The following GIN1 variants were observed in gnomAD, a reference collection of about 807,000 sequenced individuals.
GIN1 encodes the protein gypsy retrotransposon integrase-like protein 1.
GIN1 carries 41 observed loss-of-function variants against 51.4 expected under a neutral mutation model. That is an observed-to-expected ratio of 0.80 (90% confidence interval 0.62 to 1.04). The LOEUF is 1.04. Ranked by LOEUF, GIN1 falls within the 50% of genes least tolerant of loss-of-function variation. The probability of loss-of-function intolerance (pLI) is 0.00; values close to 1 mark genes in which losing one functional copy is unlikely to be tolerated. For synonymous variants in GIN1, 222 were observed against 206.5 expected (o/e 1.07, Z -0.64); for missense variants, 610 against 612.4 (o/e 1.00, Z 0.04).
In GIN1 at chr5:103,088,053, C is replaced by CTAGG. The variant is rs1562322709; in HGVS notation, c.1413_1414insCCTA (p.Val472ProfsTer4). The CTAGG allele has an allele frequency of 1.2e-6, 2 of 1,611,170 alleles. No individual in the cohort carries two copies. Among genetic ancestry groups the CTAGG allele is most frequent in the Admixed American group, 3.3e-5 (2 of 60,004 alleles). On this transcript the variant is annotated frameshift_variant, in exon 8 of 8. Coordinates refer to ENST00000399004, the MANE Select transcript of GIN1 (RefSeq NM_017676.2). LOFTEE classifies it high-confidence loss of function. ...CTTGATGTCAGTAATTCATTATCGA[C>CTAGG]TATACCAATAGTTGCATCTTCCACC...
At chr5:103,109,036 C>A (rs1380251345) in intron 1 of GIN1, among the ~76,000 whole-genome samples, 2 of 152,028 alleles carry the variant, frequency 1.3e-5, no homozygotes, top group Non-Finnish European at 2.9e-5. Flanking sequence ...TCATTGCTAT[C>A]AACTGAAATG....
chr5:103,097,726 G>T lies in GIN1; in HGVS notation c.695C>A (p.Thr232Asn). ...TTCCGTTGGGTTAACAGTTCCAGAGGTGTGAGAAATTACAATTTGCTTTAT... is the reference window on the plus strand; with the variant it reads ...TTCCGTTGGGTTAACAGTTCCAGAGTTGTGAGAAATTACAATTTGCTTTAT... ...FGIKQIVISH[T>N]SGTVNPTEST... The change falls in exon 5 of 8, where the codon ACC becomes AAC. Residue 232 changes from threonine (T) to asparagine (N), a missense_variant. Physicochemically the swap from Thr to Asn is moderately conservative, Grantham distance 65. Coordinates refer to ENST00000399004, the MANE Select transcript of GIN1 (RefSeq NM_017676.2). 6.3e-7 allele frequency: 1 copy of T among 1,588,832 alleles called. No individual in the cohort carries two copies. Among genetic ancestry groups the T allele is most frequent in the Non-Finnish European group, 8.6e-7 (1 of 1,156,834 alleles).
chr5:103,096,452 TA>T, intron 7 of GIN1, 88 bp downstream of exon 7: 1 of 984,850 alleles, frequency 1.0e-6, no homozygotes, highest in Non-Finnish European at 1.5e-6. Flanking sequence ...AAAGAAAACC[TA>T]ACAAAAGAGG....
At chr5:103,100,303 T>C (rs1787533973) in intron 4 of GIN1, among the ~76,000 whole-genome samples, 2 of 152,018 alleles carry the variant, frequency 1.3e-5, no homozygotes, top group Admixed American at 1.3e-4. Flanking sequence ...TTTCACCATG[T>C]TGCTTAGGCT....
At chr5:103,089,251 C>T (rs1447670443) in intron 7 of GIN1, among the ~76,000 whole-genome samples, 1 of 152,090 alleles carries the variant, frequency 6.6e-6, no homozygotes, top group East Asian at 1.9e-4. Flanking sequence ...GATGGCAAAT[C>T]TTCTATACAC....
chr5:103,108,728 AT>A lies in GIN1; in HGVS notation c.-7-15del, dbSNP rs1277834702. 1 of 1,544,330 alleles carries A rather than the reference AT, an allele frequency of 6.5e-7. No homozygotes were observed. The highest frequency in any genetic ancestry group is 8.8e-7 in the Non-Finnish European group (1 of 1,132,208). ...ACCATTGTGAACCTAGGTAAAAGGTATTTAAAAAGATAACTTAAATTTTAAG... is the reference window on the plus strand; with the variant it reads ...ACCATTGTGAACCTAGGTAAAAGGTATTAAAAAGATAACTTAAATTTTAAG... On this transcript the variant is annotated splice_polypyrimidine_tract_variant and intron_variant, in intron 1 of 7. Transcript: ENST00000399004.
At chr5:103,094,550 G>A (rs1562326317) in intron 7 of GIN1, among the ~76,000 whole-genome samples, 1 of 152,142 alleles carries the variant, frequency 6.6e-6, no homozygotes, top group African/African-American at 2.4e-5. Flanking sequence ...ACTGAGTTCT[G>A]AATGTTCAGA....
chr5:103,099,142 T>C (rs1583118251), intron 4 of GIN1, among the ~76,000 whole-genome samples: 2 of 152,136 alleles, frequency 1.3e-5, no homozygotes, highest in South Asian at 4.1e-4. Context: ...AAAAGAAAAC[T>C]ACATTTCCCA....
chr5:103,118,761 T>C (rs1407313748), intron 1 of GIN1, among the ~76,000 whole-genome samples: 3 of 151,806 alleles, frequency 2.0e-5, no homozygotes, highest in Non-Finnish European at 2.9e-5. Context: ...TTTTTTTTTT[T>C]CAAAGCCCAT....
rs1379899387 is a variant in GIN1, at chr5:103,087,476, T to G, written c.*422A>C. 1 of 152,800 alleles carries G rather than the reference T, an allele frequency of 6.5e-6. No individual in the cohort carries two copies. Among genetic ancestry groups the G allele is most frequent in the African/African-American group, 2.4e-5 (1 of 41,484 alleles). The allele number at this position is 152,800 out of a possible 1,614,324, so 9.5% of individuals were successfully genotyped here. The stretch of plus-strand genomic sequence containing the variant: ...AGTTCTAATGAAACAGAAAGAAGCT[T>G]CATTTCATTCATTGTTACAGTTGAT... On this transcript the variant is annotated 3_prime_UTR_variant, in exon 8 of 8. Transcript: ENST00000399004.
rs115505614 is a variant in GIN1, at chr5:103,087,264, C to T, written c.*634G>A. The T allele has an allele frequency of 0.031, 4,727 of 152,304 alleles. 109 individuals carry two copies. The highest frequency in any genetic ancestry group is 0.05 in the Non-Finnish European group (3,372 of 68,048). The allele number at this position is 152,304 out of a possible 1,614,324, so 9.4% of individuals were successfully genotyped here. A position where few individuals can be genotyped will look rare whatever the true frequency, so the allele number is the denominator to read the frequency against. On this transcript the variant is annotated 3_prime_UTR_variant, in exon 8 of 8. Coordinates refer to ENST00000399004, the MANE Select transcript of GIN1 (RefSeq NM_017676.2). ...GCGCTGGGATTACAGGTGTGGGCCA[C>T]CATGCCTGGTCGATGGTTTTATCTT...
Position 103,105,232 on chromosome 5 carries a change from G to A in GIN1, c.334-386C>T, listed in dbSNP as rs148969145. On this transcript the variant is annotated intron_variant, in intron 3 of 7. Coordinates refer to ENST00000399004, the MANE Select transcript of GIN1 (RefSeq NM_017676.2). The stretch of plus-strand genomic sequence containing the variant: ...TTCACAGGGCTGACTGCAGGACTTC[G>A]GTATGAGTAGATTTGGTGACAGGAG... Among the ~76,000 whole-genome samples, 217 of 152,024 alleles carry A rather than the reference G, an allele frequency of 1.4e-3. 2 individuals carry two copies. Among genetic ancestry groups the A allele is most frequent in the Middle Eastern group, 3.4e-3 (1 of 292 alleles).
At chr5:103,112,005 T>C (rs1787899799) in intron 1 of GIN1, among the ~76,000 whole-genome samples, 1 of 152,174 alleles carries the variant, frequency 6.6e-6, no homozygotes, top group African/African-American at 2.4e-5. Flanking sequence ...TCTTTAACTT[T>C]TGAATAATTG....
chr5:103,104,763 T>C lies in GIN1; in HGVS notation c.417A>G (p.Pro139=), dbSNP rs1554196106. ...TCAGATCAACAGTAACTAAACTCCA[T>C]GGATTTTCCACCTTGAGAAGGTGCT... ...PKQHLLKVEN[P]WSLVTVDLMG... Residue 139 remains proline, a synonymous_variant, in exon 4 of 8, where the codon CCA becomes CCG. Transcript: ENST00000399004. 3.1e-6 allele frequency: 5 copies of C among 1,612,110 alleles called. No individual in the cohort carries two copies. Among genetic ancestry groups the C allele is most frequent in the East Asian group, 2.2e-5 (1 of 44,846 alleles).
chr5:103,107,758 GA>G (rs1554196498), intron 2 of GIN1, among the ~76,000 whole-genome samples: 2 of 152,082 alleles, frequency 1.3e-5, no homozygotes, highest in African/African-American at 4.8e-5. Context: ...ATGAATGAAA[GA>G]ATCCTCACTT....
chr5:103,094,463 G>C (rs1177497778), intron 7 of GIN1, among the ~76,000 whole-genome samples: 1 of 152,094 alleles, frequency 6.6e-6, no homozygotes, highest in African/African-American at 2.4e-5. Flanking sequence ...CTTGTGCAAA[G>C]AATTCAAGTA....
At position 103,086,780 on chromosome 5, in the gene GIN1, G is replaced by A. The variant is rs1180581769; in HGVS notation, c.*1118C>T. ...TAGTTTATTACCTACCAGACAGTAAGTCCTTTATAAGAATGAGGTACACGT... is the reference window on the plus strand; with the variant it reads ...TAGTTTATTACCTACCAGACAGTAAATCCTTTATAAGAATGAGGTACACGT... On this transcript the variant is annotated 3_prime_UTR_variant, in exon 8 of 8. Coordinates refer to ENST00000399004, the MANE Select transcript of GIN1 (RefSeq NM_017676.2). The A allele has an allele frequency of 6.6e-6, 1 of 152,170 alleles. No individual in the cohort carries two copies. Among genetic ancestry groups the A allele is most frequent in the Non-Finnish European group, 1.5e-5 (1 of 68,048 alleles). The allele number at this position is 152,170 out of a possible 1,614,324, so 9.4% of individuals were successfully genotyped here.
At chr5:103,114,218 G>C (rs971733805) in intron 1 of GIN1, among the ~76,000 whole-genome samples, 4 of 152,186 alleles carry the variant, frequency 2.6e-5, no homozygotes, top group Non-Finnish European at 5.9e-5. Flanking sequence ...TACAAGATTA[G>C]ATTTCTATTC....
Position 103,107,449 on chromosome 5 carries a change from TAGG to T in GIN1, c.140-543_140-541del, listed in dbSNP as rs1347855333. 3.9e-5 allele frequency among the ~76,000 whole-genome samples: 6 copies of T among 152,204 alleles called. No individual in the cohort carries two copies. In the East Asian group the frequency reaches 1.2e-3, roughly 29 times the overall value. On this transcript the variant is annotated intron_variant, in intron 2 of 7. Coordinates refer to ENST00000399004, the MANE Select transcript of GIN1 (RefSeq NM_017676.2). ...TCCTCAAGACAATTCTCTGTTTCCT[TAGG>T]AGGACACCTGAGAAGAATCTGCAGC...
Sources: allele counts gnomAD v4.1 joint callset (sites outside exome capture counted in the v4.1 genomes callset), GRCh38; gene constraint gnomAD v4.1.1; transcripts MANE v1.5; gene names NCBI Gene and HGNC (gene_info 2026-07-23, HGNC 2026-07-21).